The following ATP9B variants were observed in gnomAD, a reference collection of about 807,000 sequenced individuals.
The protein encoded by ATP9B is probable phospholipid-transporting ATPase IIB.
ATP9B carries 110 observed loss-of-function variants against 146.1 expected under a neutral mutation model. The observed-to-expected ratio is 0.75, with a 90% CI of 0.65 to 0.88. The LOEUF is 0.88. ATP9B is among the 40% of genes least tolerant of loss of function. ATP9B has a pLI of 0.00. For missense variants in ATP9B, 1,499 were observed against 1,496.4 expected, an observed-to-expected ratio of 1.00 and a Z score of -0.03; for synonymous variants, 604 against 569.7, an observed-to-expected ratio of 1.06 and a Z score of -0.86.
At chr18:79,081,991 C>A (rs1568377618) in intron 1 of ATP9B, among the ~76,000 whole-genome samples, 1 of 152,128 alleles carries the variant, frequency 6.6e-6, no homozygotes, top group African/African-American at 2.4e-5. Context: ...GGATAATATC[C>A]TGCAGAGTGT....
intron 19 of ATP9B, among the ~76,000 whole-genome samples, chr18:79,339,414 G>A (rs954497381): frequency 1.4e-5 from 2 of 147,140 alleles, no homozygotes; most frequent in African/African-American, 5.1e-5. Flanking sequence ...TAGGAAGTAT[G>A]TCATCGCAGT....
rs111848351 is a variant in ATP9B, at chr18:79,326,400, G to T, written c.1774-2741G>T. ...CCTCCCTCCCCTCACATGGTGTTAG[G>T]GTGTCATCTCTGTACCCTCCCTCCC... On this transcript the variant is annotated intron_variant, in intron 15 of 29. Coordinates refer to ENST00000426216, the MANE Select transcript of ATP9B (RefSeq NM_198531.5). Among the ~76,000 whole-genome samples the T allele has an allele frequency of 9.7e-3, 1,100 of 113,242 alleles. 7 individuals carry two copies. The highest frequency in any genetic ancestry group is 0.014 in the Non-Finnish European group (718 of 50,862). The allele number at this position is 113,242 out of a possible 152,430, so 74.3% of individuals were successfully genotyped here. A position where few individuals can be genotyped will look rare whatever the true frequency, so the allele number is the denominator to read the frequency against.
chr18:79,165,090 C>G (rs147732139), intron 7 of ATP9B, among the ~76,000 whole-genome samples: 27 of 152,346 alleles, frequency 1.8e-4, no homozygotes, highest in African/African-American at 6.0e-4. Context: ...ATATGACACT[C>G]ATGACAGGCT....
intron 10 of ATP9B, among the ~76,000 whole-genome samples, chr18:79,207,972 G>A (rs929450928): frequency 1.3e-5 from 2 of 152,222 alleles, no homozygotes; most frequent in Admixed American, 6.5e-5. Context: ...TAGGCCGGGC[G>A]CGGGGGCTCA....
At position 79,277,068 on chromosome 18, in the gene ATP9B, T is replaced by G; in HGVS notation, c.1283T>G (p.Leu428Trp). 1 of 1,614,130 alleles carries G rather than the reference T, an allele frequency of 6.2e-7. No homozygotes were observed. Among genetic ancestry groups the G allele is most frequent in the Non-Finnish European group, 8.5e-7 (1 of 1,180,032 alleles). ...TTATTTGGCAGTTTGCGTGTGAACT[T>G]GGACATGGGCAAAGCGGTGTATGGA... is the stretch of plus-strand genomic sequence containing the variant. ...YIIPISLRVN[L>W]DMGKAVYGWM... Residue 428 changes from leucine (L) to tryptophan (W), a missense_variant, in exon 13 of 30, where the codon TTG becomes TGG. By Grantham distance (61) the Leu-to-Trp change is moderately conservative. Transcript: ENST00000426216.
At chr18:79,113,588 G>A (rs2094011114) in intron 4 of ATP9B, among the ~76,000 whole-genome samples, 1 of 152,206 alleles carries the variant, frequency 6.6e-6, no homozygotes, top group Admixed American at 6.5e-5. Context: ...GCCTGAGCTG[G>A]CAGCAGAGGG....
chr18:79,207,206 T>C (rs2095542655), intron 10 of ATP9B, among the ~76,000 whole-genome samples, 194 bp downstream of exon 10: 1 of 152,202 alleles, frequency 6.6e-6, no homozygotes, highest in South Asian at 2.1e-4. Flanking sequence ...CCTCAGACAC[T>C]GCACGTGGTT....
intron 6 of ATP9B, among the ~76,000 whole-genome samples, chr18:79,152,030 C>T (rs1270856684): frequency 6.6e-6 from 1 of 152,134 alleles, no homozygotes; most frequent in Admixed American, 6.5e-5. Flanking sequence ...TGAACAGACG[C>T]TTCTCAAAAG....
intron 15 of ATP9B, among the ~76,000 whole-genome samples, chr18:79,323,788 G>A (rs553859938): frequency 6.6e-6 from 1 of 152,318 alleles, no homozygotes; most frequent in South Asian, 2.1e-4. Flanking sequence ...GATCTCTTCA[G>A]TGTACTGATT....
intron 15 of ATP9B, among the ~76,000 whole-genome samples, chr18:79,313,661 CTT>C (rs2096664508): frequency 6.6e-6 from 1 of 152,110 alleles, no homozygotes; most frequent in Admixed American, 6.5e-5. Context: ...AGTCATAACA[CTT>C]TTTGAATCTT....
At chr18:79,103,691 G>T (rs117590245) in intron 2 of ATP9B, among the ~76,000 whole-genome samples, 13 of 152,054 alleles carry the variant, frequency 8.5e-5, no homozygotes, top group Non-Finnish European at 1.9e-4. Context: ...ATTTGGTCAC[G>T]CTTTGGTAGA....
intron 11 of ATP9B, among the ~76,000 whole-genome samples, chr18:79,231,887 C>A (rs2095797003): frequency 6.6e-6 from 1 of 150,982 alleles, no homozygotes; most frequent in African/African-American, 2.4e-5. Context: ...GAATTGGAGA[C>A]CATTATTCTA....
At chr18:79,144,082 A>G (rs2094547727) in intron 6 of ATP9B, 1 of 351,880 alleles carries the variant, frequency 2.8e-6, no homozygotes, top group Non-Finnish European at 5.1e-6. Context: ...TTTTTCTGAA[A>G]TAAGATGGTT....
Position 79,376,216 on chromosome 18 carries a change from A to ACAC in ATP9B, c.3307+790_3307+791insCAC, listed in dbSNP as rs33978603. 9.6e-4 allele frequency: 736 copies of ACAC among 768,398 alleles called. 13 individuals carry two copies. In the African/African-American group the frequency reaches 0.02, roughly 21 times the overall value. 47.6% of individuals were successfully genotyped at this position (768,398 alleles called of 1,614,324 possible). Reference sequence around the variant, plus strand: ...ACACACACACACACACACACACACAAAACAAAACAAAAAAATGGCTAGCCT... The same window carrying ACAC: ...ACACACACACACACACACACACACAACACAACAAAACAAAAAAATGGCTAGCCT... On this transcript the variant is annotated intron_variant, in intron 29 of 29. Coordinates refer to ENST00000426216, the MANE Select transcript of ATP9B (RefSeq NM_198531.5).
In ATP9B at chr18:79,124,106, C is replaced by T. The variant is rs201880001; in HGVS notation, c.559-2161C>T. Among the ~76,000 whole-genome samples the T allele has an allele frequency of 2.7e-4, 41 of 152,174 alleles. No homozygotes were observed. The East Asian group carries it at 7.7e-3, about 29-fold the overall frequency. On this transcript the variant is annotated intron_variant, in intron 4 of 29. Transcript: ENST00000426216. ...CACTTTGAGGAGCAGTTTGGCAGTT[C>T]CTCAAAATACTACACACACAATTAC... is the stretch of plus-strand genomic sequence containing the variant.
chr18:79,263,079 T>G (rs1286689478), intron 12 of ATP9B, among the ~76,000 whole-genome samples: 1 of 152,216 alleles, frequency 6.6e-6, no homozygotes, highest in Non-Finnish European at 1.5e-5. Flanking sequence ...GGCTTTACAA[T>G]TTTTATTTCA....
chr18:79,162,602 T>C lies in ATP9B; in HGVS notation c.778+8047T>C, dbSNP rs1185799451. Among the ~76,000 whole-genome samples, 6 of 152,200 alleles carry C rather than the reference T, an allele frequency of 3.9e-5. No individual in the cohort carries two copies. In the East Asian group the frequency reaches 1.2e-3, roughly 29 times the overall value. The stretch of plus-strand genomic sequence containing the variant: ...CTTGTTAGTGGGACGGGGTGGTGGT[T>C]AAATGACACTGTACTCATCCACATG... On this transcript the variant is annotated intron_variant, in intron 7 of 29. Transcript: ENST00000426216.
intron 11 of ATP9B, among the ~76,000 whole-genome samples, chr18:79,227,762 C>T (rs1209090587): frequency 6.6e-6 from 1 of 152,056 alleles, no homozygotes; most frequent in Admixed American, 6.5e-5. Flanking sequence ...TCTGTGCCTT[C>T]CCGGGAGGTT....
intron 5 of ATP9B, among the ~76,000 whole-genome samples, chr18:79,133,058 T>G (rs1453706397): frequency 3.9e-5 from 6 of 152,144 alleles, no homozygotes; most frequent in African/African-American, 1.4e-4. Flanking sequence ...TTGTTTTTGT[T>G]TTGTTTTGTT....
Sources: allele counts gnomAD v4.1 joint callset (sites outside exome capture counted in the v4.1 genomes callset), GRCh38; gene constraint gnomAD v4.1.1; transcripts MANE v1.5; gene names NCBI Gene and HGNC (gene_info 2026-07-23, HGNC 2026-07-21).